The following RREB1 variants were observed in gnomAD, a reference collection of about 807,000 sequenced individuals.
RREB1 encodes the protein ras responsive element binding protein 1.
A neutral mutation model predicts 117.8 loss-of-function variants in RREB1; 27 were observed. The observed-to-expected ratio is 0.23, with a 90% CI of 0.17 to 0.32. RREB1 has a LOEUF of 0.32. Among genes scored for constraint, RREB1 ranks in the 10% least tolerant of loss-of-function variants. The pLI is 1.00. For synonymous variants in RREB1, 1,298 were observed against 1,026.7 expected, an observed-to-expected ratio of 1.26 and a Z score of -5.05; for missense variants, 2,577 against 2,378.2, an observed-to-expected ratio of 1.08 and a Z score of -1.74.
At chr6:7,236,195 C>T (rs1042358936) in intron 10 of RREB1, among the ~76,000 whole-genome samples, 1 of 152,158 alleles carries the variant, frequency 6.6e-6, no homozygotes, top group African/African-American at 2.4e-5. Context: ...GAAACACAGC[C>T]AGTCTGTTCT....
chr6:7,196,808 A>C (rs890646442), intron 6 of RREB1, among the ~76,000 whole-genome samples: 5 of 152,192 alleles, frequency 3.3e-5, no homozygotes, highest in Admixed American at 3.3e-4. Context: ...ACTTGCCTGT[A>C]TGCAGATTCT....
intron 10 of RREB1, among the ~76,000 whole-genome samples, chr6:7,234,965 A>G (rs968260755): frequency 1.3e-5 from 2 of 152,228 alleles, no homozygotes; most frequent in Non-Finnish European, 2.9e-5. Flanking sequence ...ACATGTCCAC[A>G]TTGCAGAAGG....
At chr6:7,152,598 T>C (rs1184133561) in intron 1 of RREB1, among the ~76,000 whole-genome samples, 1 of 152,182 alleles carries the variant, frequency 6.6e-6, no homozygotes, top group African/African-American at 2.4e-5. Context: ...CCTTTCCTTT[T>C]TGGCCACATG....
At chr6:7,166,320 AC>A (rs1471942345) in intron 1 of RREB1, among the ~76,000 whole-genome samples, 1 of 152,150 alleles carries the variant, frequency 6.6e-6, no homozygotes, top group Non-Finnish European at 1.5e-5. Flanking sequence ...CTTTAAGAAA[AC>A]CCATTTGCTT....
Position 7,230,028 on chromosome 6 carries a change from C to T in RREB1, c.1929C>T (p.Tyr643=), listed in dbSNP as rs149078157. 8 of 1,611,132 alleles carry T rather than the reference C, an allele frequency of 5.0e-6. No individual in the cohort carries two copies. Among genetic ancestry groups the T allele is most frequent in the Admixed American group, 1.7e-5 (1 of 59,896 alleles). The change falls in exon 10 of 13, where the codon TAC becomes TAT. Residue 643 remains tyrosine, a synonymous_variant. Transcript: ENST00000379938. ...CGCCCGCCATGCGCAAGGTGCTCTA[C>T]CCCTGCCGCTTCTGCAACCAGGTGT... The part of the protein sequence containing the change: ...KKTPAMRKVL[Y]PCRFCNQVFA...
At position 7,210,934 on chromosome 6, in the gene RREB1, G is replaced by C. The variant is rs769260797; in HGVS notation, c.556G>C (p.Ala186Pro). 1.6e-5 allele frequency: 26 copies of C among 1,613,528 alleles called. No individual in the cohort carries two copies. Among genetic ancestry groups the C allele is most frequent in the Non-Finnish European group, 2.1e-5 (25 of 1,179,854 alleles). ...TGCCGAGTCAGAGAGAGAAGACCCA[G>C]CACCAGCTAAAAAGGTCCTCTTGGC... ...HDAESEREDP[A>P]PAKKMVEDGQ... Residue 186 changes from alanine to proline, a missense_variant, in exon 7 of 13, where the codon GCA becomes CCA. Ala to Pro is a conservative substitution (Grantham distance 27, BLOSUM62 -1). Transcript: ENST00000379938.
At chr6:7,114,017 T>A (rs1410615984) in intron 1 of RREB1, among the ~76,000 whole-genome samples, 1 of 152,220 alleles carries the variant, frequency 6.6e-6, no homozygotes. Flanking sequence ...ACACCTCCAT[T>A]ACCTTAGTCA....
In RREB1 at chr6:7,189,209, G is replaced by A. The variant is rs1399813898; in HGVS notation, c.312G>A (p.Lys104=). 2.5e-6 allele frequency: 4 copies of A among 1,613,792 alleles called. No homozygotes were observed. The highest frequency in any genetic ancestry group is 4.5e-5 in the East Asian group (2 of 44,852). Residue 104 remains lysine (K), a synonymous_variant, in exon 6 of 13, where the codon AAG becomes AAA. Coordinates refer to ENST00000379938, the MANE Select transcript of RREB1 (RefSeq NM_001003699.4). The stretch of plus-strand genomic sequence containing the variant: ...ACCACTCATGCAGCATCTGCGGAAA[G>A]TCACTGAGCTCGGCCAGCTCCCTCG... ...GADHSCSICG[K]SLSSASSLDR...
At chr6:7,164,125 A>G (rs1763807360) in intron 1 of RREB1, among the ~76,000 whole-genome samples, 2 of 152,064 alleles carry the variant, frequency 1.3e-5, no homozygotes, top group South Asian at 2.1e-4. Context: ...TGACTCATCT[A>G]TTATCTAGAC....
chr6:7,237,397 T>C (rs1216356120), intron 10 of RREB1, among the ~76,000 whole-genome samples: 1 of 141,412 alleles, frequency 7.1e-6, no homozygotes, highest in Non-Finnish European at 1.5e-5. Context: ...TTTTTTTTTA[T>C]TATTATTTGT....
rs750445814 is a variant in RREB1 at position 7,248,865 on chromosome 6, C to T, written c.5126C>T (p.Pro1709Leu). The change falls in exon 13 of 13, where the codon CCG (proline) becomes CTG (leucine). Residue 1709 changes from proline (P) to leucine (L), a missense_variant. By Grantham distance (98) the Pro-to-Leu change is moderately conservative. Coordinates refer to ENST00000379938, the MANE Select transcript of RREB1 (RefSeq NM_001003699.4). ...CAGGGTGACCTTAACCCAGAGAGCC[C>T]GGCGGCCCTGGGGCAGGACCTGCTG... ...PGQGDLNPES[P>L]AALGQDLLEP... 8.1e-6 allele frequency: 13 copies of T among 1,599,310 alleles called. No individual in the cohort carries two copies. The highest frequency in any genetic ancestry group is 4.0e-5 in the African/African-American group (3 of 74,594).
chr6:7,233,176 G>A (rs1386202236), intron 10 of RREB1, among the ~76,000 whole-genome samples: 4 of 152,200 alleles, frequency 2.6e-5, no homozygotes, highest in Non-Finnish European at 2.9e-5. Context: ...GATTACAGGC[G>A]TGAGTCACTG....
chr6:7,154,721 C>T (rs910823674), intron 1 of RREB1, among the ~76,000 whole-genome samples: 1 of 152,172 alleles, frequency 6.6e-6, no homozygotes, highest in Non-Finnish European at 1.5e-5. Context: ...GCAGGATTTG[C>T]GATGTGGTTC....
rs1016245983 is a variant in RREB1, at chr6:7,249,178, G to T, written c.*210G>T. On this transcript the variant is annotated 3_prime_UTR_variant, in exon 13 of 13. Coordinates refer to ENST00000379938, the MANE Select transcript of RREB1 (RefSeq NM_001003699.4). The stretch of plus-strand genomic sequence containing the variant: ...TGCGCGGGAGGCCACAGCCCGTGCC[G>T]ATTCCAGTGCCTTAACTACTTACCG... The T allele has an allele frequency of 5.9e-6, 3 of 505,186 alleles. No individual in the cohort carries two copies. Among genetic ancestry groups the T allele is most frequent in the African/African-American group, 1.9e-5 (1 of 52,072 alleles). The allele number at this position is 505,186 out of a possible 1,614,324, so 31.3% of individuals were successfully genotyped here.
At chr6:7,113,117 G>A (rs1011140875) in intron 1 of RREB1, among the ~76,000 whole-genome samples, 1 of 144,234 alleles carries the variant, frequency 6.9e-6, no homozygotes, top group African/African-American at 2.5e-5. Context: ...AAGAGAATTC[G>A]AAAACCTCTG....
At chr6:7,193,432 AATT>A (rs1475211872) in intron 6 of RREB1, among the ~76,000 whole-genome samples, 1 of 152,212 alleles carries the variant, frequency 6.6e-6, no homozygotes, top group Non-Finnish European at 1.5e-5. Context: ...AGGATTGTAT[AATT>A]ATTATCCCAT....
chr6:7,150,106 C>T (rs1763049900), intron 1 of RREB1, among the ~76,000 whole-genome samples: 1 of 151,698 alleles, frequency 6.6e-6, no homozygotes, highest in African/African-American at 2.4e-5. Flanking sequence ...CTATACCAGA[C>T]TCTTTCTTGG....
chr6:7,118,084 G>T (rs1214609179), intron 1 of RREB1, among the ~76,000 whole-genome samples: 2 of 152,150 alleles, frequency 1.3e-5, no homozygotes, highest in Non-Finnish European at 2.9e-5. Flanking sequence ...TTATTTATCA[G>T]GAGGCTCATA....
intron 1 of RREB1, among the ~76,000 whole-genome samples, chr6:7,113,571 T>C (rs1761252603): frequency 6.6e-6 from 1 of 152,154 alleles, no homozygotes; most frequent in African/African-American, 2.4e-5. Context: ...AGCTGCGCGG[T>C]GGTCCACCCG....
Sources: gnomAD v4.1 joint callset for allele counts (sites outside exome capture counted in the v4.1 genomes callset) on GRCh38, gnomAD v4.1.1 for gene constraint, MANE v1.5 for transcripts, NCBI Gene and HGNC (gene_info 2026-07-23, HGNC 2026-07-21) for gene names.